FMN2: variants seen among roughly 807,000 people sequenced by gnomAD.
The protein encoded by FMN2 is formin-2.
FMN2 carries 51 observed loss-of-function variants against 142.3 expected under a neutral mutation model. The ratio of observed to expected loss-of-function variants is 0.36; its 90% confidence interval spans 0.29 to 0.45. The LOEUF is 0.45. Ranked by LOEUF, FMN2 falls within the 20% of genes least tolerant of loss-of-function variation. The probability of loss-of-function intolerance (pLI) is 1.00; values close to 1 mark genes in which losing one functional copy is unlikely to be tolerated. For missense variants in FMN2, 1,936 were observed against 2,122.8 expected (o/e 0.91, Z 1.73); for synonymous variants, 882 against 869.8 (o/e 1.01, Z -0.25).
At chr1:240,324,099 C>T (rs1387664933) in intron 8 of FMN2, among the ~76,000 whole-genome samples, 2 of 152,118 alleles carry the variant, frequency 1.3e-5, no homozygotes, top group Non-Finnish European at 2.9e-5. Context: ...TTCCCCCTTA[C>T]CATAATAGTG....
intron 7 of FMN2, among the ~76,000 whole-genome samples, chr1:240,293,576 G>T (rs376638916): frequency 5.9e-5 from 9 of 152,026 alleles, no homozygotes; most frequent in African/African-American, 1.9e-4. Flanking sequence ...ATAGTCAAAG[G>T]TATTTGGACT....
chr1:240,219,532 AAAAAT>A (rs1667027424), intron 6 of FMN2, among the ~76,000 whole-genome samples: 1 of 152,176 alleles, frequency 6.6e-6, no homozygotes, highest in African/African-American at 2.4e-5. Context: ...GATTTAGAAA[AAAAAT>A]AATAAAGTTC....
At chr1:240,258,711 G>A (rs1042059864) in intron 7 of FMN2, among the ~76,000 whole-genome samples, 12 of 152,104 alleles carry the variant, frequency 7.9e-5, no homozygotes, top group Non-Finnish European at 1.3e-4. Flanking sequence ...TACAATTGAC[G>A]GCCATTCTTA....
At chr1:240,333,040 A>G (rs1671431665) in intron 11 of FMN2, among the ~76,000 whole-genome samples, 1 of 152,182 alleles carries the variant, frequency 6.6e-6, no homozygotes, top group Non-Finnish European at 1.5e-5. Context: ...TATAGAAAAA[A>G]TCGTGGTTAT....
At position 240,208,539 on chromosome 1, in the gene FMN2, C is replaced by T. The variant is rs1666542604; in HGVS notation, c.3727C>T (p.Pro1243Ser). 1 of 1,613,274 alleles carries T rather than the reference C, an allele frequency of 6.2e-7. No homozygotes were observed. Among genetic ancestry groups the T allele is most frequent in the Non-Finnish European group, 8.5e-7 (1 of 1,179,866 alleles). ...PPPPLLPVSGPPLLPQVGSST... is the reference protein window; with the variant it reads ...PPPPLLPVSGSPLLPQVGSST... ...GCCCCCTCTGCTTCCTGTATCAGGC[C>T]CTCCACTCCTCCCACAAGTTGGGAG... Residue 1243 changes from proline (P) to serine (S), a missense_variant, in exon 5 of 18, where the codon CCT becomes TCT. Pro to Ser is a moderately conservative substitution (Grantham distance 74, BLOSUM62 -1). This residue lies in a region of FMN2 where 259 missense variants were observed against 230.9 expected (regional missense o/e 1.12). Coordinates refer to ENST00000319653, the MANE Select transcript of FMN2 (RefSeq NM_020066.5).
rs1666404652 is a variant in FMN2, at chr1:240,207,369, T to G, written c.2557T>G (p.Cys853Gly). ...HSVSSAFKNS[C>G]NIPSPPPLPC... is the part of the protein sequence containing the mutation. ...TGTTTCCTCTGCCTTTAAAAACAGC[T>G]GTAACATCCCATCTCCACCACCTCT... Residue 853 changes from cysteine (C) to glycine (G), a missense_variant, in exon 5 of 18, where the codon TGT becomes GGT. Coordinates refer to ENST00000319653, the MANE Select transcript of FMN2 (RefSeq NM_020066.5). 2 of 1,613,682 alleles carry G rather than the reference T, an allele frequency of 1.2e-6. No homozygotes were observed. The highest frequency in any genetic ancestry group is 2.2e-5 in the South Asian group (2 of 91,076).
chr1:240,352,580 C>CA (rs1558447939), intron 13 of FMN2, among the ~76,000 whole-genome samples: 1 of 151,680 alleles, frequency 6.6e-6, no homozygotes, highest in Non-Finnish European at 1.5e-5. Flanking sequence ...GACTTTGTCT[C>CA]AAAAAAAATT....
At chr1:240,435,163 G>A (rs553005514) in intron 15 of FMN2, among the ~76,000 whole-genome samples, 1 of 144,772 alleles carries the variant, frequency 6.9e-6, no homozygotes, top group Non-Finnish European at 1.5e-5. Context: ...CTTATAAAGT[G>A]AATACATATA....
rs188057509 is a variant in FMN2, at chr1:240,172,659, G to C, written c.1783-5262G>C. Among the ~76,000 whole-genome samples, 33 of 152,142 alleles carry C rather than the reference G, an allele frequency of 2.2e-4. 1 individual carries two copies. Among genetic ancestry groups the C allele is most frequent in the Admixed American group, 1.4e-3 (22 of 15,276 alleles). On this transcript the variant is annotated intron_variant, in intron 2 of 17. Transcript: ENST00000319653. ...CCAAAAGGTGATGAGGTTTGCTTAG[G>C]GGGGAGCAATGAATATATCTTAGGA...
intron 6 of FMN2, among the ~76,000 whole-genome samples, chr1:240,218,641 C>G (rs541259339): frequency 2.6e-5 from 4 of 152,210 alleles, no homozygotes; most frequent in Non-Finnish European, 2.9e-5. Context: ...TAGAGTGGAG[C>G]CACTATTGCG....
chr1:240,195,117 AT>A (rs1481284904), intron 4 of FMN2, among the ~76,000 whole-genome samples: 1 of 152,104 alleles, frequency 6.6e-6, no homozygotes, highest in Non-Finnish European at 1.5e-5. Flanking sequence ...ATTTGCATGT[AT>A]TTGCGAACTC....
chr1:240,243,616 T>C (rs1371701123), intron 6 of FMN2, among the ~76,000 whole-genome samples: 1 of 152,212 alleles, frequency 6.6e-6, no homozygotes, highest in African/African-American at 2.4e-5. Context: ...TTGCAAGACA[T>C]TTTATGCTTT....
intron 6 of FMN2, among the ~76,000 whole-genome samples, chr1:240,254,477 G>A (rs922794017): frequency 1.4e-4 from 21 of 152,100 alleles, no homozygotes; most frequent in African/African-American, 5.1e-4. Flanking sequence ...TGGTTAAATG[G>A]TCCTGTTCTC....
At chr1:240,276,865 C>T (rs1428394668) in intron 7 of FMN2, among the ~76,000 whole-genome samples, 1 of 152,146 alleles carries the variant, frequency 6.6e-6, no homozygotes, top group South Asian at 2.1e-4. Context: ...TTCTATTTTT[C>T]GAGGCTCTGC....
At chr1:240,185,989 A>T (rs1427959846) in intron 3 of FMN2, among the ~76,000 whole-genome samples, 3 of 152,244 alleles carry the variant, frequency 2.0e-5, no homozygotes, top group Non-Finnish European at 4.4e-5. Flanking sequence ...ATTTGTCAAT[A>T]TAAGAGAAAA....
intron 8 of FMN2, among the ~76,000 whole-genome samples, chr1:240,314,298 T>G (rs1670694694): frequency 6.6e-6 from 1 of 152,062 alleles, no homozygotes; most frequent in Non-Finnish European, 1.5e-5. Context: ...CATCCATCTG[T>G]AGCAAGGAGT....
At chr1:240,410,946 T>C (rs898609709) in intron 15 of FMN2, among the ~76,000 whole-genome samples, 5 of 152,218 alleles carry the variant, frequency 3.3e-5, no homozygotes, top group Non-Finnish European at 7.3e-5. Context: ...TGATACTTTC[T>C]ACCATGGTTT....
At chr1:240,112,771 T>C (rs1275583547) in intron 1 of FMN2, among the ~76,000 whole-genome samples, 3 of 152,098 alleles carry the variant, frequency 2.0e-5, no homozygotes, top group African/African-American at 7.2e-5. Context: ...TGCACTTGCG[T>C]TTTCCTGATA....
At chr1:240,433,010 C>T (rs577342933) in intron 15 of FMN2, among the ~76,000 whole-genome samples, 2 of 152,152 alleles carry the variant, frequency 1.3e-5, no homozygotes, top group South Asian at 2.1e-4. Context: ...TCTTCTGTGT[C>T]GTTAGTGATA....
Sources: gnomAD v4.1 joint callset for allele counts (sites outside exome capture counted in the v4.1 genomes callset) on GRCh38, gnomAD v4.1.1 for gene constraint, gnomAD v4.1.1 regional missense constraint, MANE v1.5 for transcripts, NCBI Gene and HGNC (gene_info 2026-07-23, HGNC 2026-07-21) for gene names.